Variants in RERE observed in about 807,000 individuals in gnomAD.
The protein encoded by RERE is arginine-glutamic acid dipeptide repeats protein.
Under a neutral mutation model 146.1 loss-of-function variants are expected in RERE, and 40 were observed. The observed-to-expected ratio is 0.27, with a 90% confidence interval of 0.21 to 0.36. RERE has a LOEUF of 0.36. Ranked by LOEUF, RERE falls within the 10% of genes least tolerant of loss-of-function variation. The pLI is 1.00. For synonymous variants in RERE, 1,003 were observed against 866.0 expected (o/e 1.16, Z -2.78); for missense variants, 1,933 against 2,138.7 (o/e 0.90, Z 1.90).
intron 10 of RERE, among the ~76,000 whole-genome samples, chr1:8,488,137 G>A (rs1054962726): frequency 7.3e-5 from 11 of 150,086 alleles, no homozygotes; most frequent in Admixed American, 1.3e-4. Context: ...GAGAAATATC[G>A]TATTTATGGA....
At chr1:8,404,127 C>CA (rs1553162316) in intron 12 of RERE, among the ~76,000 whole-genome samples, 1 of 151,774 alleles carries the variant, frequency 6.6e-6, no homozygotes, top group Non-Finnish European at 1.5e-5. Flanking sequence ...CTGCACCCAG[C>CA]TTTTTTTTAA....
chr1:8,716,018 A>T (rs74631648), intron 1 of RERE, among the ~76,000 whole-genome samples: 4,000 of 152,104 alleles, frequency 0.026, 162 homozygotes, highest in African/African-American at 0.09. Flanking sequence ...AGTGGCTCAC[A>T]CCTGTGGTCT....
At chr1:8,391,337 G>A (rs1642877633) in intron 12 of RERE, among the ~76,000 whole-genome samples, 2 of 152,154 alleles carry the variant, frequency 1.3e-5, no homozygotes, top group African/African-American at 4.8e-5. Context: ...TGAGAACAGT[G>A]CCTGGCACCT....
chr1:8,417,285 A>G (rs892254721), intron 12 of RERE, among the ~76,000 whole-genome samples: 17 of 152,370 alleles, frequency 1.1e-4, no homozygotes, highest in African/African-American at 4.1e-4. Context: ...TCTCTGCTGC[A>G]GGAATATGGT....
At chr1:8,810,471 T>C (rs1389649956) in intron 1 of RERE, among the ~76,000 whole-genome samples, 2 of 152,178 alleles carry the variant, frequency 1.3e-5, no homozygotes, top group South Asian at 2.1e-4. Flanking sequence ...CTAGGTGTGA[T>C]GGTGCATGCC....
At chr1:8,604,746 T>C (rs1004714914) in intron 4 of RERE, among the ~76,000 whole-genome samples, 2 of 151,950 alleles carry the variant, frequency 1.3e-5, no homozygotes, top group African/African-American at 4.8e-5. Flanking sequence ...AAATTCAAAC[T>C]AGCATTTACG....
intron 6 of RERE, among the ~76,000 whole-genome samples, chr1:8,545,378 G>A (rs188283268): frequency 1.1e-4 from 17 of 152,288 alleles, no homozygotes; most frequent in African/African-American, 2.9e-4. Flanking sequence ...GGGTCTTCTG[G>A]CTACCAAGAG....
chr1:8,774,960 T>C (rs190428537), intron 1 of RERE, among the ~76,000 whole-genome samples: 1,428 of 36,922 alleles, frequency 0.039, 120 homozygotes, highest in East Asian at 0.12. Flanking sequence ...TCTTTTTTTT[T>C]TTTTTTTTTT....
chr1:8,668,058 T>C (rs1353231903), intron 1 of RERE, among the ~76,000 whole-genome samples: 1 of 152,198 alleles, frequency 6.6e-6, no homozygotes, highest in Non-Finnish European at 1.5e-5. Context: ...ATGCCCACAG[T>C]TGAGAACTAC....
intron 12 of RERE, among the ~76,000 whole-genome samples, chr1:8,413,593 C>T (rs750507230): frequency 3.3e-5 from 5 of 152,222 alleles, no homozygotes; most frequent in Non-Finnish European, 7.4e-5. Flanking sequence ...ATCCTCCCAC[C>T]TCAACCTCCC....
chr1:8,797,709 G>C (rs987941860), intron 1 of RERE, among the ~76,000 whole-genome samples: 1 of 152,164 alleles, frequency 6.6e-6, no homozygotes, highest in African/African-American at 2.4e-5. Context: ...AGTTTCAACT[G>C]TAAGTTACTT....
Position 8,359,825 on chromosome 1 carries a change from TTCTCC to T in RERE, c.3552_3556del (p.Glu1185GlyfsTer21). 1 of 1,607,882 alleles carries T rather than the reference TTCTCC, an allele frequency of 6.2e-7. No homozygotes were observed. ...CCGCTCCCGCTCCTTCTCCTTCTCC[TTCTCC>T]CGCTCTCGCTCCTCTCGGGCTTTCT... On this transcript the variant is annotated frameshift_variant, in exon 19 of 23. Transcript: ENST00000400908. LOFTEE classifies it high-confidence loss of function.
intron 7 of RERE, among the ~76,000 whole-genome samples, chr1:8,514,546 A>G (rs1387900277): frequency 6.6e-6 from 1 of 152,142 alleles, no homozygotes; most frequent in Non-Finnish European, 1.5e-5. Context: ...CCTAGTCAAC[A>G]TGGTGAAACC....
intron 2 of RERE, among the ~76,000 whole-genome samples, chr1:8,636,815 G>A (rs969216507): frequency 6.6e-6 from 1 of 152,148 alleles, no homozygotes; most frequent in Non-Finnish European, 1.5e-5. Context: ...AGGTGGAGCA[G>A]GAGATAGAGC....
At chr1:8,722,068 A>G (rs866373317) in intron 1 of RERE, among the ~76,000 whole-genome samples, 24 of 152,110 alleles carry the variant, frequency 1.6e-4, no homozygotes, top group African/African-American at 5.8e-4. Flanking sequence ...TATGAAGCCA[A>G]CCTCCTCTAC....
At position 8,372,507 on chromosome 1, in the gene RERE, C is replaced by CATGTGTGTGTGTGTGTGTGT. The variant is rs1553157691; in HGVS notation, c.1285-6534_1285-6533insACACACACACACACACACAT. Among the ~76,000 whole-genome samples, 116 of 131,822 alleles carry CATGTGTGTGTGTGTGTGTGT rather than the reference C, an allele frequency of 8.8e-4. 1 individual carries two copies. The highest frequency in any genetic ancestry group is 3.2e-3 in the African/African-American group (112 of 35,432). The allele number at this position is 131,822 out of a possible 152,430, so 86.5% of individuals were successfully genotyped here. A position where few individuals can be genotyped will look rare whatever the true frequency, so the allele number is the denominator to read the frequency against. ...TGCAGCCTGCCACCTACCATCAGGT[C>CATGTGTGTGTGTGTGTGTGT]GTGTGTGTGTGTGTGTGTGTGTGTG... On this transcript the variant is annotated intron_variant, in intron 12 of 22. Transcript: ENST00000400908.
At chr1:8,386,016 ATATATATTTTTTTT>A (rs1231364264) in intron 12 of RERE, among the ~76,000 whole-genome samples, 5 of 44,248 alleles carry the variant, frequency 1.1e-4, no homozygotes, top group African/African-American at 4.7e-4. Context: ...ATATATATAT[ATATATATTTTTTTT>A]TTTTTTTTTT....
At chr1:8,500,729 G>A (rs1037174071) in intron 8 of RERE, among the ~76,000 whole-genome samples, 13 of 151,464 alleles carry the variant, frequency 8.6e-5, no homozygotes, top group African/African-American at 3.2e-4. Context: ...AGTGAGGAGC[G>A]TCTCTGCCCG....
chr1:8,459,936 ACCCTTC>A (rs746668751), intron 11 of RERE, among the ~76,000 whole-genome samples: 2 of 152,154 alleles, frequency 1.3e-5, no homozygotes, highest in Non-Finnish European at 2.9e-5. Flanking sequence ...AATATAACTA[ACCCTTC>A]CCCTATATTG....
Sources: allele counts gnomAD v4.1 joint callset (sites outside exome capture counted in the v4.1 genomes callset), GRCh38; gene constraint gnomAD v4.1.1; transcripts MANE v1.5; gene names NCBI Gene and HGNC (gene_info 2026-07-23, HGNC 2026-07-21).